Variants in SCN9A observed in about 807,000 individuals in gnomAD.
The protein encoded by SCN9A is sodium voltage-gated channel alpha subunit 9, also known as sodium channel protein type 9 subunit alpha.
Under a neutral mutation model 187.0 loss-of-function variants are expected in SCN9A, and 131 were observed. The ratio of observed to expected loss-of-function variants is 0.70; its 90% CI spans 0.61 to 0.81. The LOEUF is 0.81. SCN9A is among the 30% of genes least tolerant of loss of function. SCN9A has a pLI of 0.00. For synonymous variants in SCN9A, 809 were observed against 808.6 expected, an observed-to-expected ratio of 1.00 and a Z score of -0.01; for missense variants, 2,252 against 2,396.6, an observed-to-expected ratio of 0.94 and a Z score of 1.26.
chr2:166,348,210 T>C (rs1206339077), intron 1 of SCN9A, among the ~76,000 whole-genome samples: 1 of 115,362 alleles, frequency 8.7e-6, no homozygotes, highest in Non-Finnish European at 2.1e-5. Context: ...TGTACATTTT[T>C]CCTACAAACT....
rs542201572 is a variant in SCN9A, at chr2:166,202,259, G to A, written c.4774+1696C>T. Among the ~76,000 whole-genome samples the A allele has an allele frequency of 5.3e-5, 8 of 149,730 alleles. No individual in the cohort carries two copies. The East Asian group carries it at 1.6e-3, about 29-fold the overall frequency. ...CATAGAAAGGACTATAAGAGTATAT[G>A]GTTATATGTCTATTTCCACATATTT... On this transcript the variant is annotated intron_variant, in intron 26 of 26. Coordinates refer to ENST00000642356, the MANE Select transcript of SCN9A (RefSeq NM_001365536.1).
Position 166,303,089 on chromosome 2 carries a change from C to T in SCN9A, c.901+1G>A, listed in dbSNP as rs777418612. 1.3e-6 allele frequency: 2 copies of T among 1,579,572 alleles called. No homozygotes were observed. Among genetic ancestry groups the T allele is most frequent in the Non-Finnish European group, 8.7e-7 (1 of 1,155,166 alleles). ...AATAACAAATGCAAGGACATTCTTA[C>T]TTCTAAAGTCTTCTTCACTCTCTAG... On this transcript the variant is annotated splice_donor_variant, in intron 7 of 26. Coordinates refer to ENST00000642356, the MANE Select transcript of SCN9A (RefSeq NM_001365536.1). LOFTEE classifies it high-confidence loss of function.
chr2:166,221,492 T>C (rs1284580066), intron 24 of SCN9A, among the ~76,000 whole-genome samples: 1 of 152,084 alleles, frequency 6.6e-6, no homozygotes, highest in Non-Finnish European at 1.5e-5. Context: ...CCTCATACTC[T>C]TGGGCTTCAG....
rs1225665184 is a variant in SCN9A, at chr2:166,228,795, A to G, written c.4102T>C (p.Ser1368Pro). The G allele has an allele frequency of 6.2e-7, 1 of 1,613,908 alleles. No homozygotes were observed. Among genetic ancestry groups the G allele is most frequent in the Admixed American group, 1.7e-5 (1 of 60,000 alleles). The change falls in exon 22 of 27, where the codon TCC becomes CCC. Residue 1368 changes from serine to proline, a missense_variant. Ser to Pro is a moderately conservative substitution (Grantham distance 74, BLOSUM62 -1). Coordinates refer to ENST00000642356, the MANE Select transcript of SCN9A (RefSeq NM_001365536.1). ...RFPASQVPNR[S>P]ECFALMNVSQ... ...ACATTCATAAGGGCAAAACATTCGGAACGATTTGGAACTTGACTTGCAGGA... is the reference window on the plus strand; with the variant it reads ...ACATTCATAAGGGCAAAACATTCGGGACGATTTGGAACTTGACTTGCAGGA...
chr2:166,284,276 G>C (rs933912703), intron 12 of SCN9A, among the ~76,000 whole-genome samples, 177 bp downstream of exon 12: 10 of 152,246 alleles, frequency 6.6e-5, no homozygotes, highest in African/African-American at 2.4e-4. Flanking sequence ...CTTTGAGTTA[G>C]ATGCCTACAA....
rs373340022 is a variant in SCN9A, at chr2:166,309,656, G to A, written c.258+1843C>T. On this transcript the variant is annotated intron_variant, in intron 2 of 26. Coordinates refer to ENST00000642356, the MANE Select transcript of SCN9A (RefSeq NM_001365536.1). ...CTCATGTGTAGGAAGAATCAATATC[G>A]TGAAAATGGCCATACTGCCCAAGGT... Among the ~76,000 whole-genome samples, 173 of 150,974 alleles carry A rather than the reference G, an allele frequency of 1.1e-3. 1 individual carries two copies. In the East Asian group the frequency reaches 0.03, roughly 26 times the overall value.
chr2:166,307,663 A>G (rs1231635795), intron 2 of SCN9A, among the ~76,000 whole-genome samples: 1 of 152,194 alleles, frequency 6.6e-6, no homozygotes. Context: ...AGGGACTTAA[A>G]TTAAGAGGAT....
At chr2:166,307,454 C>T (rs1348813355) in intron 2 of SCN9A, among the ~76,000 whole-genome samples, 1 of 152,188 alleles carries the variant, frequency 6.6e-6, no homozygotes, top group Non-Finnish European at 1.5e-5. Context: ...AACTAGCTAT[C>T]TCTAATATTT....
rs543930117 is a variant in SCN9A, at chr2:166,347,364, T to C, written c.-51+28333A>G. Among the ~76,000 whole-genome samples, 4 of 152,334 alleles carry C rather than the reference T, an allele frequency of 2.6e-5. No homozygotes were observed. In the South Asian group the frequency reaches 8.3e-4, roughly 32 times the overall value. On this transcript the variant is annotated intron_variant, in intron 1 of 26. Coordinates refer to ENST00000642356, the MANE Select transcript of SCN9A (RefSeq NM_001365536.1). ...CAGAATACAGATGAAAATAATTTCA[T>C]AGCATTGTCCTAAATCCAGAGGGTT...
chr2:166,306,526 A>G lies in SCN9A; in HGVS notation c.451T>C (p.Trp151Arg). Residue 151 changes from tryptophan to arginine, a missense_variant, in exon 4 of 27, where the codon TGG (tryptophan) becomes CGG (arginine). This residue lies in a region of SCN9A where 1,013 missense variants were observed against 997.4 expected (regional missense o/e 1.02). Transcript: ENST00000642356. ...CCCACTTACTCGACATTTTTGGTCC[A>G]GTCCGGTGGGTTATTCATGGTCATA... ...IFMTMNNPPDWTKNVEYTFTG... is the reference protein window; with the variant it reads ...IFMTMNNPPDRTKNVEYTFTG... 1 of 1,567,640 alleles carries G rather than the reference A, an allele frequency of 6.4e-7. No individual in the cohort carries two copies. The highest frequency in any genetic ancestry group is 8.7e-7 in the Non-Finnish European group (1 of 1,150,378).
chr2:166,321,552 T>C (rs1442160894), intron 1 of SCN9A: 1 of 149,700 alleles, frequency 6.7e-6, no homozygotes, highest in Non-Finnish European at 1.5e-5. Flanking sequence ...ATCAATTCAA[T>C]AGAAACAACA....
chr2:166,295,210 G>A (rs997654835), intron 7 of SCN9A, among the ~76,000 whole-genome samples: 4 of 152,204 alleles, frequency 2.6e-5, no homozygotes, highest in African/African-American at 9.6e-5. Flanking sequence ...AAGATGGCCA[G>A]TGTGGCTACA....
chr2:166,250,425 G>C (rs1695984493), intron 18 of SCN9A, among the ~76,000 whole-genome samples: 1 of 152,134 alleles, frequency 6.6e-6, no homozygotes, highest in South Asian at 2.1e-4. Context: ...TAGCATCGCT[G>C]TGATGTGGAT....
At position 166,242,580 on chromosome 2, in the gene SCN9A, T is replaced by C; in HGVS notation, c.3549A>G (p.Lys1183=). Residue 1183 remains lysine (K), a synonymous_variant, in exon 19 of 27, where the codon AAA becomes AAG. Coordinates refer to ENST00000642356, the MANE Select transcript of SCN9A (RefSeq NM_001365536.1). ...TGTGTTCAACAATCTTGTAGCAGGT[T>C]TTCCTGATGTTCCACCAGATTTTTC... ...GKGKIWWNIR[K]TCYKIVEHSW... The C allele has an allele frequency of 1.9e-6, 3 of 1,570,142 alleles. No homozygotes were observed. The highest frequency in any genetic ancestry group is 2.6e-6 in the Non-Finnish European group (3 of 1,156,670).
intron 9 of SCN9A, among the ~76,000 whole-genome samples, chr2:166,289,432 T>G (rs189970330): frequency 2.6e-4 from 39 of 151,994 alleles, no homozygotes; most frequent in Non-Finnish European, 4.3e-4. Context: ...GAACATGCGT[T>G]GTTTGGTTTT....
chr2:166,228,200 C>T (rs1694920982), intron 22 of SCN9A, among the ~76,000 whole-genome samples: 1 of 150,830 alleles, frequency 6.6e-6, no homozygotes, highest in African/African-American at 2.4e-5. Context: ...TGCAACAGAA[C>T]CCATGCTTCT....
chr2:166,284,986 T>A (rs2106484253), intron 11 of SCN9A, among the ~76,000 whole-genome samples, 162 bp from the exon 12 acceptor site: 1 of 152,352 alleles, frequency 6.6e-6, no homozygotes, highest in Non-Finnish European at 1.5e-5. Flanking sequence ...AGAAAACTTC[T>A]TCCACTTAAG....
rs1491160674 is a variant in SCN9A at position 166,311,330 on chromosome 2, C to CCATATATATATA, written c.258+168_258+169insTATATATATATG. 2.1e-4 allele frequency among the ~76,000 whole-genome samples: 10 copies of CCATATATATATA among 46,722 alleles called. 1 individual carries two copies. The highest frequency in any genetic ancestry group is 2.9e-4 in the Non-Finnish European group (8 of 27,768). The allele number at this position is 46,722 out of a possible 152,430, so 30.7% of individuals were successfully genotyped here. ...TGAAAAAGTACAGATTCTGAATATCCTATATATATATATATATATATATAT... is the reference window on the plus strand; with the variant it reads ...TGAAAAAGTACAGATTCTGAATATCCCATATATATATATATATATATATATATATATATATAT... On this transcript the variant is annotated intron_variant, in intron 2 of 26. Coordinates refer to ENST00000642356, the MANE Select transcript of SCN9A (RefSeq NM_001365536.1).
chr2:166,325,198 T>A (rs1185331163), intron 1 of SCN9A, among the ~76,000 whole-genome samples: 1 of 152,130 alleles, frequency 6.6e-6, no homozygotes, highest in African/African-American at 2.4e-5. Context: ...TGAATTTGAA[T>A]TTATCAGGTA....
Sources: gnomAD v4.1 joint callset for allele counts (sites outside exome capture counted in the v4.1 genomes callset) on GRCh38, gnomAD v4.1.1 for gene constraint, gnomAD v4.1.1 regional missense constraint, MANE v1.5 for transcripts, NCBI Gene and HGNC (gene_info 2026-07-23, HGNC 2026-07-21) for gene names.